Variants in EDA observed in about 807,000 individuals in gnomAD.
EDA encodes the protein ectodysplasin A.
In EDA, 2 loss-of-function variants were observed where a neutral mutation model predicts 23.6. That is an observed-to-expected ratio of 0.08 (90% confidence interval 0.03 to 0.27). EDA has a LOEUF of 0.27. Ranked by LOEUF, EDA falls within the 10% of genes least tolerant of loss-of-function variation. The pLI is 1.00. For missense variants in EDA, 229 were observed against 324.2 expected, an observed-to-expected ratio of 0.71 and a Z score of 2.26; for synonymous variants, 131 against 132.0, an observed-to-expected ratio of 0.99 and a Z score of 0.05.
At chrX:69,939,096 T>C (rs2018718472) in intron 1 of EDA, among the ~76,000 whole-genome samples, 1 of 112,001 alleles carries the variant, frequency 8.9e-6, no homozygotes, top group African/African-American at 3.2e-5. Flanking sequence ...TGTGGTTCCA[T>C]ATACATTTTA....
chrX:69,746,519 A>G (rs2013626141), intron 1 of EDA, among the ~76,000 whole-genome samples: 1 of 110,661 alleles, frequency 9.0e-6, no homozygotes, highest in African/African-American at 3.3e-5. Context: ...TTATTCTCTG[A>G]TTTTTTTTAG....
intron 1 of EDA, among the ~76,000 whole-genome samples, chrX:69,668,247 T>C (rs1426039674): frequency 8.9e-6 from 1 of 112,144 alleles, no homozygotes; most frequent in Non-Finnish European, 1.9e-5. Flanking sequence ...AGGGCATGTT[T>C]AGTTATTTGT....
intron 1 of EDA, among the ~76,000 whole-genome samples, chrX:69,855,831 G>GT (rs1423088709): frequency 1.8e-5 from 2 of 111,548 alleles, no homozygotes; most frequent in Admixed American, 9.6e-5. Context: ...TTTTAAAATA[G>GT]TTTTTTTCTA....
chrX:69,772,693 C>T (rs1480056438), intron 1 of EDA, among the ~76,000 whole-genome samples: 4 of 110,650 alleles, frequency 3.6e-5, no homozygotes, highest in Non-Finnish European at 7.6e-5. Flanking sequence ...TCCATGTGTA[C>T]CCAATGTTTA....
chrX:69,890,195 C>A (rs776305519), intron 1 of EDA, among the ~76,000 whole-genome samples: 6 of 110,610 alleles, frequency 5.4e-5, no homozygotes, highest in Non-Finnish European at 1.1e-4. Flanking sequence ...ATTCAAGGAA[C>A]ACTACAAACC....
intron 1 of EDA, among the ~76,000 whole-genome samples, chrX:69,825,800 A>T (rs190608093): frequency 1.1e-3 from 127 of 111,158 alleles, no homozygotes; most frequent in African/African-American, 4.0e-3. Flanking sequence ...TAGGGTGTCA[A>T]TTCTGAATCT....
At chrX:69,755,477 G>A (rs1227920015) in intron 1 of EDA, among the ~76,000 whole-genome samples, 1 of 112,024 alleles carries the variant, frequency 8.9e-6, no homozygotes, top group East Asian at 2.8e-4. Flanking sequence ...GGCCCCTACT[G>A]GGAGGTGTCT....
At chrX:69,800,081 G>T (rs765714915) in intron 1 of EDA, among the ~76,000 whole-genome samples, 1 of 111,612 alleles carries the variant, frequency 9.0e-6, no homozygotes, top group South Asian at 3.7e-4. Context: ...GGTTGAAACT[G>T]GAGGTCATTA....
intron 2 of EDA, among the ~76,000 whole-genome samples, chrX:69,999,051 T>C (rs1352901090): frequency 8.9e-6 from 1 of 111,936 alleles, no homozygotes; most frequent in Non-Finnish European, 1.9e-5. Flanking sequence ...TGTACCTTTG[T>C]CTTTCATCCT....
At chrX:69,882,446 A>G (rs1033099089) in intron 1 of EDA, among the ~76,000 whole-genome samples, 1 of 111,643 alleles carries the variant, frequency 9.0e-6, no homozygotes, top group African/African-American at 3.3e-5. Context: ...TTCTCTTGCT[A>G]TTTTTGGTCT....
At chrX:69,806,906 A>G (rs192319093) in intron 1 of EDA, among the ~76,000 whole-genome samples, 3 of 111,405 alleles carry the variant, frequency 2.7e-5, no homozygotes, top group African/African-American at 6.5e-5. Flanking sequence ...GCTTGAGGGT[A>G]GGTAGAGTCT....
intron 2 of EDA, among the ~76,000 whole-genome samples, chrX:69,973,926 T>A (rs750357394): frequency 9.0e-6 from 1 of 110,902 alleles, no homozygotes; most frequent in Non-Finnish European, 1.9e-5. Flanking sequence ...ATCTCGGACC[T>A]GTAATAAAGA....
chrX:69,878,397 C>CA (rs1186654373), intron 1 of EDA, among the ~76,000 whole-genome samples: 1 of 112,054 alleles, frequency 8.9e-6, no homozygotes, highest in Non-Finnish European at 1.9e-5. Flanking sequence ...GTGTTCAGCG[C>CA]AAAAAAATAA....
intron 1 of EDA, among the ~76,000 whole-genome samples, chrX:69,780,602 G>T (rs1262365674): frequency 9.0e-6 from 1 of 111,120 alleles, no homozygotes; most frequent in Non-Finnish European, 1.9e-5. Flanking sequence ...AATATTGGGG[G>T]AGGTACCTGG....
chrX:69,824,626 C>T (rs2016353124), intron 1 of EDA, among the ~76,000 whole-genome samples: 1 of 99,852 alleles, frequency 1.0e-5, no homozygotes, highest in South Asian at 4.9e-4. Flanking sequence ...TCTAGATATA[C>T]AATCATGTCG....
At chrX:69,899,892 G>A (rs1393475300) in intron 1 of EDA, among the ~76,000 whole-genome samples, 3 of 111,274 alleles carry the variant, frequency 2.7e-5, no homozygotes, top group Non-Finnish European at 5.7e-5. Context: ...AGCTATCTTT[G>A]TTATAGAGGC....
intron 1 of EDA, among the ~76,000 whole-genome samples, chrX:69,888,446 C>G (rs1452283488): frequency 9.4e-6 from 1 of 106,585 alleles, no homozygotes; most frequent in East Asian, 3.0e-4. Flanking sequence ...CCTTACCTAT[C>G]AATAATTACC....
At position 69,972,751 on chromosome X, in the gene EDA, T is replaced by G. The variant is rs143819534; in HGVS notation, c.502+15619T>G. On this transcript the variant is annotated intron_variant, in intron 2 of 7. Transcript: ENST00000374552. ...AATACAATGTTATTTGAAAAACCAA[T>G]TTTTAAAATGTAAAGCCCTGGGCAA... 9.5e-3 allele frequency among the ~76,000 whole-genome samples: 1,057 copies of G among 111,784 alleles called. 7 individuals carry two copies. Among genetic ancestry groups the G allele is most frequent in the African/African-American group, 0.032 (986 of 30,755 alleles).
At chrX:69,834,889 G>C (rs2016729332) in intron 1 of EDA, among the ~76,000 whole-genome samples, 1 of 111,704 alleles carries the variant, frequency 9.0e-6, no homozygotes, top group Non-Finnish European at 1.9e-5. Flanking sequence ...TCCTTCAGGA[G>C]CTCTTGTAAG....
Sources: gnomAD v4.1 joint callset for allele counts (sites outside exome capture counted in the v4.1 genomes callset) on GRCh38, gnomAD v4.1.1 for gene constraint, MANE v1.5 for transcripts, NCBI Gene and HGNC (gene_info 2026-07-23, HGNC 2026-07-21) for gene names.